Variants in PPP2R5C observed in about 807,000 individuals in gnomAD.
The protein encoded by PPP2R5C is protein phosphatase 2 regulatory subunit B'gamma.
A neutral mutation model predicts 68.9 loss-of-function variants in PPP2R5C; 7 were observed. The observed-to-expected ratio is 0.10, with a 90% CI of 0.06 to 0.19. The LOEUF is 0.19. Among genes scored for constraint, PPP2R5C ranks in the 10% least tolerant of loss-of-function variants. The pLI, the probability that PPP2R5C is intolerant of heterozygous loss-of-function variation, is 1.00. For missense variants in PPP2R5C, 348 were observed against 641.3 expected, an observed-to-expected ratio of 0.54 and a Z score of 4.94; for synonymous variants, 210 against 222.2, an observed-to-expected ratio of 0.95 and a Z score of 0.49.
At chr14:101,885,311 G>A (rs2044423518) in intron 5 of PPP2R5C, among the ~76,000 whole-genome samples, 1 of 152,122 alleles carries the variant, frequency 6.6e-6, no homozygotes, top group South Asian at 2.1e-4. Context: ...CACAGCCCTG[G>A]CCCCTCCCAT....
At chr14:101,826,648 A>G (rs1297447125) in intron 1 of PPP2R5C, among the ~76,000 whole-genome samples, 3 of 152,094 alleles carry the variant, frequency 2.0e-5, no homozygotes, top group Admixed American at 6.6e-5. Context: ...ATTTTATTCA[A>G]TGATGTAATG....
intron 8 of PPP2R5C, among the ~76,000 whole-genome samples, chr14:101,896,333 A>G (rs2045323567): frequency 6.6e-6 from 1 of 152,020 alleles, no homozygotes; most frequent in South Asian, 2.1e-4. Flanking sequence ...TGTTTTAATT[A>G]TAGCCATCCT....
At chr14:101,799,153 G>A (rs2038748826) in intron 3 of PPP2R5C, among the ~76,000 whole-genome samples, 1 of 152,044 alleles carries the variant, frequency 6.6e-6, no homozygotes, top group Non-Finnish European at 1.5e-5. Flanking sequence ...GAGGGAAGAG[G>A]AAGCCTGCCT....
At chr14:101,776,115 C>T (rs1489639395) in intron 2 of PPP2R5C, among the ~76,000 whole-genome samples, 2 of 149,096 alleles carry the variant, frequency 1.3e-5, no homozygotes, top group African/African-American at 2.5e-5. Flanking sequence ...CCACAGTGCT[C>T]GCTTGGAACC....
At chr14:101,840,816 A>G (rs2041425616) in intron 1 of PPP2R5C, among the ~76,000 whole-genome samples, 1 of 152,212 alleles carries the variant, frequency 6.6e-6, no homozygotes, top group South Asian at 2.1e-4. Context: ...ACATTGTCAA[A>G]TTGAGATTCC....
chr14:101,914,124 T>C, intron 12 of PPP2R5C: 1 of 451,638 alleles, frequency 2.2e-6, no homozygotes, highest in South Asian at 1.6e-5. Flanking sequence ...TCAAGTAACT[T>C]TCTGTATTCT....
chr14:101,761,019 G>A (rs1287916717), upstream of PPP2R5C, among the ~76,000 whole-genome samples: 3 of 125,440 alleles, frequency 2.4e-5, no homozygotes, highest in Non-Finnish European at 3.5e-5. Context: ...GGGGAGGGCA[G>A]GGGACGGGGT....
At chr14:101,921,982 A>G (rs2141204413) in intron 13 of PPP2R5C, 3 of 984,962 alleles carry the variant, frequency 3.0e-6, no homozygotes, top group East Asian at 1.1e-4. Context: ...CATTTTTAAC[A>G]GTTGGTCGGG....
At chr14:101,796,249 A>G (rs2038602785) in intron 3 of PPP2R5C, among the ~76,000 whole-genome samples, 1 of 152,232 alleles carries the variant, frequency 6.6e-6, no homozygotes, top group African/African-American at 2.4e-5. Flanking sequence ...ATAAAAATGG[A>G]CTGTGCGGAA....
chr14:101,904,742 G>A (rs2045927592), intron 9 of PPP2R5C, among the ~76,000 whole-genome samples: 1 of 152,198 alleles, frequency 6.6e-6, no homozygotes, highest in Non-Finnish European at 1.5e-5. Flanking sequence ...CTTCTGGCAG[G>A]AGAAGCGTCA....
intron 1 of PPP2R5C, 59 bp from the exon 2 acceptor site, chr14:101,762,846 C>G (rs1310345454): frequency 1.4e-6 from 2 of 1,399,294 alleles, no homozygotes; most frequent in Non-Finnish European, 2.0e-6. Flanking sequence ...TTTGGCTTAT[C>G]TGATGTTTAC....
chr14:101,894,615 A>G, intron 8 of PPP2R5C, 55 bp downstream of exon 10: 1 of 1,504,806 alleles, frequency 6.6e-7, no homozygotes, highest in South Asian at 1.1e-5. Flanking sequence ...CTAAATGTAA[A>G]TATTACAACA....
chr14:101,885,025 G>T (rs1293869414), intron 5 of PPP2R5C, among the ~76,000 whole-genome samples: 4 of 152,256 alleles, frequency 2.6e-5, no homozygotes, highest in African/African-American at 9.6e-5. Flanking sequence ...TAAGGCATCT[G>T]ACTCCAGGAT....
intron 2 of PPP2R5C, among the ~76,000 whole-genome samples, chr14:101,763,290 G>GCTCA (rs2036653743): frequency 6.6e-6 from 1 of 151,772 alleles, no homozygotes; most frequent in Admixed American, 6.6e-5. Context: ...CGCAATCTCT[G>GCTCA]CTCACTGCTA....
intron 8 of PPP2R5C, among the ~76,000 whole-genome samples, chr14:101,895,238 T>C (rs1346864801): frequency 6.6e-6 from 1 of 152,228 alleles, no homozygotes; most frequent in Non-Finnish European, 1.5e-5. Context: ...ATAATTCACA[T>C]ACCACACAAT....
chr14:101,859,081 T>C (rs889623645), intron 2 of PPP2R5C, among the ~76,000 whole-genome samples: 1 of 152,202 alleles, frequency 6.6e-6, no homozygotes, highest in Admixed American at 6.5e-5. Flanking sequence ...TGCCAGCCCC[T>C]GGGCTCCCTA....
rs113682015 is a variant in PPP2R5C, at chr14:101,774,307, C to A, written c.93+11337C>A. Among the ~76,000 whole-genome samples, 215 of 152,312 alleles carry A rather than the reference C, an allele frequency of 1.4e-3. 1 individual carries two copies. Among genetic ancestry groups the A allele is most frequent in the Middle Eastern group, 0.014 (4 of 294 alleles). On this transcript the variant is annotated intron_variant, in intron 2 of 14. Transcript: ENST00000328724. ...GAGAATTTGCTTTGAGGTGCCAGCT[C>A]CTACATTAGCAGCCTTAGTTTTTCC...
At chr14:101,832,083 A>G (rs2040782430) in intron 1 of PPP2R5C, among the ~76,000 whole-genome samples, 1 of 152,266 alleles carries the variant, frequency 6.6e-6, no homozygotes. Context: ...GTATGTCCTC[A>G]TAATGAAAAG....
chr14:101,803,342 G>A (rs1339235692), intron 3 of PPP2R5C: 4 of 152,488 alleles, frequency 2.6e-5, no homozygotes, highest in Middle Eastern at 3.4e-3. Context: ...AATAAATGGC[G>A]TTGGGAAAAC....
Sources: gnomAD v4.1 joint callset for allele counts (sites outside exome capture counted in the v4.1 genomes callset) on GRCh38, gnomAD v4.1.1 for gene constraint, MANE v1.5 for transcripts, NCBI Gene and HGNC (gene_info 2026-07-23, HGNC 2026-07-21) for gene names.